KIF3B: variants seen among roughly 807,000 people sequenced by gnomAD.
The protein encoded by KIF3B is kinesin family member 3B.
In KIF3B, 38 loss-of-function variants were observed where a neutral mutation model predicts 74.3. That is an observed-to-expected ratio of 0.51 (90% confidence interval 0.39 to 0.67). The LOEUF (loss-of-function observed/expected upper bound fraction) is 0.67, where lower values mean the gene tolerates loss of function less well. Ranked by LOEUF, KIF3B falls within the 30% of genes least tolerant of loss-of-function variation. The pLI is 0.00. For synonymous variants in KIF3B, 326 were observed against 342.5 expected (o/e 0.95, Z 0.53); for missense variants, 649 against 932.0 (o/e 0.70, Z 3.95).
chr20:32,309,767 C>G lies in KIF3B; in HGVS notation c.-11C>G, dbSNP rs2047790259. ...GACACTTCTCAAGATTTGACTGGATCAGAGTTCATCATGTCAAAGTTGAAA... is the reference window on the plus strand; with the variant it reads ...GACACTTCTCAAGATTTGACTGGATGAGAGTTCATCATGTCAAAGTTGAAA... On this transcript the variant is annotated 5_prime_UTR_variant, in exon 2 of 9. It adds an upstream start codon to the 5' untranslated region. Coordinates refer to ENST00000375712, the MANE Select transcript of KIF3B (RefSeq NM_004798.4). The G allele has an allele frequency of 6.2e-7, 1 of 1,606,572 alleles. No homozygotes were observed. The highest frequency in any genetic ancestry group is 1.1e-5 in the South Asian group (1 of 89,902).
At chr20:32,325,909 C>G (rs1426015170) in intron 5 of KIF3B, among the ~76,000 whole-genome samples, 1 of 152,036 alleles carries the variant, frequency 6.6e-6, no homozygotes, top group Non-Finnish European at 1.5e-5. Context: ...CTCAGGCAAT[C>G]CACTGGCTCG....
In KIF3B at chr20:32,316,483, C is replaced by T. The variant is rs770206366; in HGVS notation, c.1507-44C>T. 4 of 1,611,928 alleles carry T rather than the reference C, an allele frequency of 2.5e-6. No homozygotes were observed. The East Asian group carries it at 6.7e-5, about 27-fold the overall frequency. The stretch of plus-strand genomic sequence containing the variant: ...CCTAGCTTGGGGAACCCAGCATAGA[C>T]ACAGTCTCTAGGGCAAGCTGATGAA... On this transcript the variant is annotated intron_variant, in intron 3 of 8. Transcript: ENST00000375712.
intron 1 of KIF3B, among the ~76,000 whole-genome samples, chr20:32,303,559 C>A (rs887924352): frequency 6.9e-5 from 10 of 143,896 alleles, no homozygotes; most frequent in Non-Finnish European, 1.1e-4. Context: ...AGCGAGACTC[C>A]GTTAAAAAAA....
chr20:32,287,468 C>T (rs768071704), intron 1 of KIF3B, among the ~76,000 whole-genome samples: 7 of 151,854 alleles, frequency 4.6e-5, no homozygotes, highest in Non-Finnish European at 8.8e-5. Context: ...GCCACAGGTG[C>T]GTGCCACCAC....
Position 32,334,285 on chromosome 20 carries a change from T to C in KIF3B, c.*2966T>C, listed in dbSNP as rs1035058703. 6.5e-6 allele frequency: 1 copy of C among 152,738 alleles called. No individual in the cohort carries two copies. The highest frequency in any genetic ancestry group is 2.4e-5 in the African/African-American group (1 of 41,446). The allele number at this position is 152,738 out of a possible 1,614,324, so 9.5% of individuals were successfully genotyped here. A position where few individuals can be genotyped will look rare whatever the true frequency, so the allele number is the denominator to read the frequency against. On this transcript the variant is annotated 3_prime_UTR_variant, in exon 9 of 9. Coordinates refer to ENST00000375712, the MANE Select transcript of KIF3B (RefSeq NM_004798.4). ...AACCCAAGGCCACAAATCATAGGCA[T>C]GAAGCACTTTCTTAAGACTGACCTA... is the stretch of plus-strand genomic sequence containing the variant.
intron 1 of KIF3B, among the ~76,000 whole-genome samples, chr20:32,304,650 A>G (rs1473971355): frequency 6.6e-6 from 1 of 152,224 alleles, no homozygotes; most frequent in African/African-American, 2.4e-5. Context: ...CTCCAAGGAC[A>G]CTGTTTATTA....
intron 1 of KIF3B, among the ~76,000 whole-genome samples, chr20:32,281,413 G>C (rs1374547761): frequency 6.6e-6 from 1 of 152,202 alleles, no homozygotes; most frequent in Non-Finnish European, 1.5e-5. Context: ...TTTTAGCCTG[G>C]AGATATCATG....
chr20:32,309,258 C>G (rs541438107), intron 1 of KIF3B, among the ~76,000 whole-genome samples: 2 of 150,264 alleles, frequency 1.3e-5, no homozygotes, highest in East Asian at 2.0e-4. Context: ...ATCTCAAACA[C>G]CTGTACTCAA....
chr20:32,319,062 G>A (rs1453260910), intron 5 of KIF3B, among the ~76,000 whole-genome samples: 2 of 151,670 alleles, frequency 1.3e-5, no homozygotes, highest in African/African-American at 4.8e-5. Context: ...CTGGGCTCAA[G>A]CGATCCTCCC....
chr20:32,321,711 T>G (rs2047860711), intron 5 of KIF3B, among the ~76,000 whole-genome samples: 1 of 152,192 alleles, frequency 6.6e-6, no homozygotes, highest in Non-Finnish European at 1.5e-5. Context: ...TATTACATTT[T>G]CTACAAATTG....
At chr20:32,308,386 G>T (rs2047782913) in intron 1 of KIF3B, among the ~76,000 whole-genome samples, 1 of 152,232 alleles carries the variant, frequency 6.6e-6, no homozygotes, top group East Asian at 1.9e-4. Flanking sequence ...ACCACCCCTG[G>T]CTAATTTTTA....
intron 2 of KIF3B, among the ~76,000 whole-genome samples, chr20:32,314,519 G>A (rs1425521511): frequency 6.6e-6 from 1 of 151,214 alleles, no homozygotes; most frequent in Non-Finnish European, 1.5e-5. Context: ...CAGCCTGGGC[G>A]ACAAAGCGAG....
intron 1 of KIF3B, among the ~76,000 whole-genome samples, chr20:32,279,089 A>G (rs2047630250): frequency 6.6e-6 from 1 of 151,688 alleles, no homozygotes; most frequent in African/African-American, 2.4e-5. Context: ...TCGTCCACTA[A>G]TTTTTGTAGT....
chr20:32,308,565 C>T (rs1461935287), intron 1 of KIF3B, among the ~76,000 whole-genome samples: 1 of 152,104 alleles, frequency 6.6e-6, no homozygotes, highest in Non-Finnish European at 1.5e-5. Context: ...TGCCCACCAC[C>T]ACGCCCAGCC....
chr20:32,290,712 A>G (rs1242432582), intron 1 of KIF3B, among the ~76,000 whole-genome samples: 1 of 150,268 alleles, frequency 6.7e-6, no homozygotes, highest in Non-Finnish European at 1.5e-5. Context: ...TTCTATAACA[A>G]ATAATAATAA....
At chr20:32,318,837 A>G (rs901807111) in intron 5 of KIF3B, among the ~76,000 whole-genome samples, 1 of 152,158 alleles carries the variant, frequency 6.6e-6, no homozygotes, top group Admixed American at 6.6e-5. Flanking sequence ...TCTGGGATAC[A>G]TTCATAGGAG....
chr20:32,310,946 G>A lies in KIF3B; in HGVS notation c.1169G>A (p.Gly390Asp), dbSNP rs748432051. The A allele has an allele frequency of 6.2e-7, 1 of 1,612,202 alleles. No homozygotes were observed. The highest frequency in any genetic ancestry group is 8.5e-7 in the Non-Finnish European group (1 of 1,178,454). The change falls in exon 2 of 9, where the codon GGT becomes GAT. Residue 390 changes from glycine (G) to aspartate (D), a missense_variant. Coordinates refer to ENST00000375712, the MANE Select transcript of KIF3B (RefSeq NM_004798.4). The surrounding 1 kb of genome is among the most constrained non-coding windows in gnomAD (Gnocchi z 6.5). ...REKRREGGGS[G>D]GGGEEEEEEG... ...AAGCGGAGGGAAGGTGGTGGCAGTG[G>A]TGGGGGTGGGGAAGAGGAGGAGGAG... is the stretch of plus-strand genomic sequence containing the variant.
At chr20:32,331,021 TTC>T (rs1239130634) in intron 8 of KIF3B, among the ~76,000 whole-genome samples, 200 bp from the exon 9 acceptor site, 1 of 152,214 alleles carries the variant, frequency 6.6e-6, no homozygotes, top group Non-Finnish European at 1.5e-5. Context: ...CAGAGTCTCC[TTC>T]TCTCAGGTTC....
In KIF3B at chr20:32,279,134, G is replaced by T. The variant is rs149653735; in HGVS notation, c.-66+1369G>T. ...GACAAGGTTTCACCATGTTGGCCTG[G>T]CTGGTCTCGAACTCCTGGCCTCAAG... On this transcript the variant is annotated intron_variant, in intron 1 of 8. Coordinates refer to ENST00000375712, the MANE Select transcript of KIF3B (RefSeq NM_004798.4). Among the ~76,000 whole-genome samples the T allele has an allele frequency of 2.5e-3, 387 of 152,084 alleles. 3 individuals are homozygous for T. The highest frequency in any genetic ancestry group is 2.5e-3 in the Non-Finnish European group (167 of 68,006).
Sources: gnomAD v4.1 joint callset for allele counts (sites outside exome capture counted in the v4.1 genomes callset) on GRCh38, gnomAD v4.1.1 for gene constraint, Gnocchi (gnomAD v3.1) non-coding constraint, MANE v1.5 for transcripts, NCBI Gene and HGNC (gene_info 2026-07-23, HGNC 2026-07-21) for gene names.